Variants in UNC13C observed in about 807,000 individuals in gnomAD.
The protein encoded by UNC13C is protein unc-13 homolog C.
In UNC13C, 174 loss-of-function variants were observed where a neutral mutation model predicts 245.4. That is an observed-to-expected ratio of 0.71 (90% CI 0.63 to 0.80). The LOEUF is 0.80. UNC13C is among the 30% of genes least tolerant of loss of function. The probability of loss-of-function intolerance (pLI) is 0.00; values close to 1 mark genes in which losing one functional copy is unlikely to be tolerated. For synonymous variants in UNC13C, 992 were observed against 895.1 expected (o/e 1.11, Z -1.93); for missense variants, 2,829 against 2,602.9 (o/e 1.09, Z -1.89).
chr15:54,584,123 C>T (rs1414679779), intron 30 of UNC13C, among the ~76,000 whole-genome samples: 4 of 152,152 alleles, frequency 2.6e-5, no homozygotes, highest in South Asian at 4.1e-4. Flanking sequence ...TACCTTTCCC[C>T]TTGGCCAGGG....
intron 2 of UNC13C, among the ~76,000 whole-genome samples, chr15:54,069,274 T>G (rs1346040931): frequency 6.6e-6 from 1 of 152,170 alleles, no homozygotes; most frequent in Admixed American, 6.5e-5. Flanking sequence ...ACTACTTGGC[T>G]AAATCCCTTT....
At chr15:54,423,721 G>A (rs1412744178) in intron 19 of UNC13C, among the ~76,000 whole-genome samples, 4 of 151,766 alleles carry the variant, frequency 2.6e-5, no homozygotes, top group Non-Finnish European at 4.4e-5. Context: ...AGGGAACAGA[G>A]CTAACTGCAT....
At chr15:53,902,700 CA>C in the UNC13C span, among the ~76,000 whole-genome samples, 5 of 152,012 alleles carry the variant, frequency 3.3e-5, no homozygotes, top group African/African-American at 1.2e-4. Context: ...CCAACAGAAG[CA>C]AAAAATTTGG....
At chr15:54,120,728 G>T (rs2030608657) in intron 2 of UNC13C, among the ~76,000 whole-genome samples, 1 of 151,798 alleles carries the variant, frequency 6.6e-6, no homozygotes, top group South Asian at 2.1e-4. Flanking sequence ...CATGGGAGGA[G>T]GTCAAAATAC....
At chr15:54,579,643 C>T (rs1168680490) in intron 30 of UNC13C, among the ~76,000 whole-genome samples, 1 of 152,148 alleles carries the variant, frequency 6.6e-6, no homozygotes, top group East Asian at 1.9e-4. Flanking sequence ...CCTGCAGTCC[C>T]AGCTACTTGG....
At chr15:54,465,083 A>G (rs1356505724) in intron 19 of UNC13C, among the ~76,000 whole-genome samples, 1 of 152,076 alleles carries the variant, frequency 6.6e-6, no homozygotes, top group Non-Finnish European at 1.5e-5. Context: ...TATTGAAGCT[A>G]TTGTTATCTG....
chr15:54,264,373 G>A lies in UNC13C; in HGVS notation c.3654G>A (p.Trp1218Ter). The change falls in exon 9 of 33, where the codon TGG becomes TGA. Residue 1218 changes from tryptophan to a stop codon, truncating the protein, a stop_gained. Coordinates refer to ENST00000260323, the MANE Select transcript of UNC13C (RefSeq NM_001080534.3). LOFTEE classifies it high-confidence loss of function. ...KQSVLDGTSK[W>*]SAKITITVVS... Reference sequence around the variant, plus strand: ...GTGTACTGGATGGGACATCTAAGTGGTCTGCAAAAATAACCATTACAGGTA... The same window carrying A: ...GTGTACTGGATGGGACATCTAAGTGATCTGCAAAAATAACCATTACAGGTA... 6.3e-7 allele frequency: 1 copy of A among 1,598,446 alleles called. No homozygotes were observed. The highest frequency in any genetic ancestry group is 8.5e-7 in the Non-Finnish European group (1 of 1,171,760).
rs147873872 is a variant in UNC13C, at chr15:54,462,567, G to A, written c.4934-32041G>A. ...CTTTGAGCAACTGGCCAGTGCCCCCGGCCCCGGGGAGTGAGGGGCTTAGCA... is the reference window on the plus strand; with the variant it reads ...CTTTGAGCAACTGGCCAGTGCCCCCAGCCCCGGGGAGTGAGGGGCTTAGCA... On this transcript the variant is annotated intron_variant, in intron 19 of 32. Transcript: ENST00000260323. Among the ~76,000 whole-genome samples, 177 of 152,338 alleles carry A rather than the reference G, an allele frequency of 1.2e-3. 1 individual carries two copies. The East Asian group carries it at 0.019, about 16-fold the overall frequency.
At chr15:54,582,670 C>T (rs1898254857) in intron 30 of UNC13C, among the ~76,000 whole-genome samples, 2 of 152,074 alleles carry the variant, frequency 1.3e-5, no homozygotes, top group Admixed American at 6.5e-5. Flanking sequence ...GCAGAAGGGA[C>T]GTGTTTGCAA....
intron 4 of UNC13C, among the ~76,000 whole-genome samples, chr15:54,228,167 C>T (rs764070629): frequency 8.5e-5 from 13 of 152,276 alleles, no homozygotes; most frequent in South Asian, 2.1e-4. Context: ...TGCCTGGCTA[C>T]AGTCAGCGTT....
At chr15:53,931,830 G>T in the UNC13C span, among the ~76,000 whole-genome samples, 1 of 152,088 alleles carries the variant, frequency 6.6e-6, no homozygotes, top group South Asian at 2.1e-4. Flanking sequence ...TACAAATCAG[G>T]GTGAGTCCTT....
At chr15:54,122,493 T>C (rs2030736071) in intron 2 of UNC13C, among the ~76,000 whole-genome samples, 1 of 152,098 alleles carries the variant, frequency 6.6e-6, no homozygotes, top group Admixed American at 6.6e-5. Context: ...GTATAATCTC[T>C]CTGTATGTAT....
intron 2 of UNC13C, among the ~76,000 whole-genome samples, chr15:54,042,462 G>A (rs1272494881): frequency 6.6e-6 from 1 of 152,130 alleles, no homozygotes; most frequent in African/African-American, 2.4e-5. Flanking sequence ...TACAAAATAG[G>A]GGAAGTGAAG....
At chr15:54,443,226 A>T (rs909141825) in intron 19 of UNC13C, among the ~76,000 whole-genome samples, 1 of 152,004 alleles carries the variant, frequency 6.6e-6, no homozygotes, top group African/African-American at 2.4e-5. Flanking sequence ...GTCTCTGATG[A>T]TCTTTTACAT....
At chr15:54,235,230 G>T in intron 5 of UNC13C, 122 bp downstream of exon 5, 1 of 703,060 alleles carries the variant, frequency 1.4e-6, no homozygotes, top group African/African-American at 1.8e-5. Flanking sequence ...AATATATGAG[G>T]CCAGATGCTA....
At chr15:54,447,570 A>T (rs1337292806) in intron 19 of UNC13C, among the ~76,000 whole-genome samples, 1 of 152,132 alleles carries the variant, frequency 6.6e-6, no homozygotes, top group African/African-American at 2.4e-5. Context: ...AGAGGTGTTT[A>T]TATTATTCTC....
chr15:54,179,112 T>C (rs964789285), intron 4 of UNC13C, among the ~76,000 whole-genome samples: 1 of 152,102 alleles, frequency 6.6e-6, no homozygotes, highest in Non-Finnish European at 1.5e-5. Flanking sequence ...TAATCCATGA[T>C]TGAGTAGAAG....
At chr15:53,859,654 A>C in the UNC13C span, among the ~76,000 whole-genome samples, 1 of 152,210 alleles carries the variant, frequency 6.6e-6, no homozygotes, top group South Asian at 2.1e-4. Context: ...ACTCATATTT[A>C]GTTTTCATTT....
chr15:54,530,387 C>T (rs554811546), intron 25 of UNC13C, among the ~76,000 whole-genome samples: 1 of 152,220 alleles, frequency 6.6e-6, no homozygotes, highest in South Asian at 2.1e-4. Context: ...AACTACTGTC[C>T]CAATATTTCC....
Sources: gnomAD v4.1 joint callset for allele counts (sites outside exome capture counted in the v4.1 genomes callset) on GRCh38, gnomAD v4.1.1 for gene constraint, MANE v1.5 for transcripts, NCBI Gene and HGNC (gene_info 2026-07-23, HGNC 2026-07-21) for gene names.